TNRC6C: variants seen among roughly 807,000 people sequenced by gnomAD.
The protein encoded by TNRC6C is trinucleotide repeat-containing gene 6C protein.
A neutral mutation model predicts 153.7 loss-of-function variants in TNRC6C; 20 were observed. That is an observed-to-expected ratio of 0.13 (90% CI 0.09 to 0.19). The LOEUF (loss-of-function observed/expected upper bound fraction) is 0.19. Ranked by LOEUF, TNRC6C falls within the 10% of genes least tolerant of loss-of-function variation. TNRC6C has a pLI of 1.00. For missense variants in TNRC6C, 1,987 were observed against 2,172.0 expected (o/e 0.91, Z 1.69); for synonymous variants, 811 against 841.4 (o/e 0.96, Z 0.63).
At chr17:77,971,867 TAAAAA>T (rs60316098) in intron 1 of TNRC6C, among the ~76,000 whole-genome samples, 66 of 142,554 alleles carry the variant, frequency 4.6e-4, no homozygotes, top group African/African-American at 1.6e-3. Flanking sequence ...TTAAGTGAGT[TAAAAA>T]AAAAAAAAAA....
At chr17:77,963,460 G>A (rs574573590) in intron 1 of TNRC6C, among the ~76,000 whole-genome samples, 10 of 152,154 alleles carry the variant, frequency 6.6e-5, no homozygotes, top group Admixed American at 2.6e-4. Flanking sequence ...AATCCATATC[G>A]TTTGTTCCAT....
chr17:78,092,620 C>G (rs543776591), intron 14 of TNRC6C, among the ~76,000 whole-genome samples: 1 of 152,180 alleles, frequency 6.6e-6, no homozygotes, highest in African/African-American at 2.4e-5. Flanking sequence ...TGGCTCACAC[C>G]TGTAGTTCCA....
intron 1 of TNRC6C, among the ~76,000 whole-genome samples, chr17:77,994,721 A>C (rs1364718610): frequency 1.3e-5 from 2 of 152,194 alleles, no homozygotes; most frequent in Non-Finnish European, 2.9e-5. Flanking sequence ...CAAGTTTCAG[A>C]ACACAGAAAT....
In TNRC6C at chr17:78,104,896, C is replaced by T. The variant is rs1004060799; in HGVS notation, c.*51C>T. ...AGCCGACCCCTCCCGGGACCCCTCC[C>T]GGCTGGGCGGCCCCACAGACCCGCT... is the stretch of plus-strand genomic sequence containing the variant. On this transcript the variant is annotated 3_prime_UTR_variant, in exon 20 of 20. Transcript: ENST00000301624. This position sits in a 1 kb window ranked among gnomAD's most constrained non-coding sequence, Gnocchi z 6.2. 8.9e-5 allele frequency: 123 copies of T among 1,376,434 alleles called. No homozygotes were observed. In the South Asian group the frequency reaches 1.9e-3, roughly 21 times the overall value. The allele number at this position is 1,376,434 out of a possible 1,614,324, so 85.3% of individuals were successfully genotyped here.
chr17:78,089,507 C>T lies in TNRC6C; in HGVS notation c.3803-1933C>T, dbSNP rs1162663796. On this transcript the variant is annotated intron_variant, in intron 13 of 19. Coordinates refer to ENST00000301624, the Ensembl canonical transcript of TNRC6C. The stretch of plus-strand genomic sequence containing the variant: ...CACCTATGTTGAAGAGCCTGTTAGA[C>T]ACTCATCAATTCATGTAAAGAAACC... Among the ~76,000 whole-genome samples, 5 of 152,140 alleles carry T rather than the reference C, an allele frequency of 3.3e-5. No individual in the cohort carries two copies. The East Asian group carries it at 5.8e-4, about 18-fold the overall frequency.
At chr17:78,086,378 A>G in intron 11 of TNRC6C, 125 bp from the exon 14 acceptor site, 1 of 515,612 alleles carries the variant, frequency 1.9e-6, no homozygotes, top group Non-Finnish European at 3.5e-6. Context: ...TGTCAGCCAC[A>G]GTATGGGCCA....
At chr17:78,015,175 T>C (rs867843367) in intron 1 of TNRC6C, among the ~76,000 whole-genome samples, 1 of 152,196 alleles carries the variant, frequency 6.6e-6, no homozygotes, top group Non-Finnish European at 1.5e-5. Context: ...TTTTTCATTG[T>C]GTGGGGTGTC....
At chr17:78,021,405 A>G (rs2071829500) in intron 1 of TNRC6C, among the ~76,000 whole-genome samples, 1 of 152,246 alleles carries the variant, frequency 6.6e-6, no homozygotes, top group Non-Finnish European at 1.5e-5. Context: ...CTCATAGCTC[A>G]AGGCTGTTAT....
At chr17:78,061,532 C>T (rs1036802004) in intron 3 of TNRC6C, among the ~76,000 whole-genome samples, 8 of 152,134 alleles carry the variant, frequency 5.3e-5, no homozygotes, top group Non-Finnish European at 7.3e-5. Context: ...AATGAAAATA[C>T]TGGGCCAGGT....
At chr17:78,088,959 C>CTTT (rs59304499) in intron 13 of TNRC6C, among the ~76,000 whole-genome samples, 5 of 86,700 alleles carry the variant, frequency 5.8e-5, no homozygotes, top group African/African-American at 8.6e-5. Flanking sequence ...CTTATCGTTA[C>CTTT]TTTTTTTTTT....
chr17:77,990,229 A>G (rs778087781), intron 1 of TNRC6C, among the ~76,000 whole-genome samples: 6 of 152,132 alleles, frequency 3.9e-5, no homozygotes, highest in Non-Finnish European at 8.8e-5. Context: ...AAACTCTTAT[A>G]TTGACTGCAG....
At chr17:78,004,009 C>T, upstream of TNRC6C, 3 of 666,174 alleles carry the variant, frequency 4.5e-6, no homozygotes, top group Non-Finnish European at 5.6e-6. Context: ...GGGCAACCTG[C>T]AGTGCTGTTA....
At chr17:78,081,964 CCTTT>C (rs950848659) in intron 10 of TNRC6C, among the ~76,000 whole-genome samples, 2 of 152,024 alleles carry the variant, frequency 1.3e-5, no homozygotes, top group Non-Finnish European at 2.9e-5. Flanking sequence ...TTCCTTCCCT[CCTTT>C]CTTTTTCCTT....
In TNRC6C at chr17:78,093,603, T is replaced by C; in HGVS notation, c.4163-17T>C. On this transcript the variant is annotated splice_polypyrimidine_tract_variant and intron_variant, in intron 15 of 19. Coordinates refer to ENST00000301624, the Ensembl canonical transcript of TNRC6C. ...GGTGTTCTGATCTGTGGCTTCTCAT[T>C]TTGGTTTCTTAAACAGAATTCCATC... 6.2e-7 allele frequency: 1 copy of C among 1,613,642 alleles called. No homozygotes were observed. Among genetic ancestry groups the C allele is most frequent in the Non-Finnish European group, 8.5e-7 (1 of 1,179,658 alleles).
intron 2 of TNRC6C, among the ~76,000 whole-genome samples, chr17:78,032,459 T>C (rs1452818631): frequency 6.6e-6 from 1 of 152,234 alleles, no homozygotes; most frequent in Non-Finnish European, 1.5e-5. Context: ...TCCAATCTCC[T>C]TGACTTGATG....
At chr17:78,053,295 G>A (rs537131431) in intron 3 of TNRC6C, among the ~76,000 whole-genome samples, 1 of 152,090 alleles carries the variant, frequency 6.6e-6, no homozygotes, top group Non-Finnish European at 1.5e-5. Context: ...GTACTTGGGG[G>A]GATAAGGAGA....
intron 10 of TNRC6C, among the ~76,000 whole-genome samples, chr17:78,080,460 A>C (rs2073159821): frequency 6.6e-6 from 1 of 152,226 alleles, no homozygotes; most frequent in South Asian, 2.1e-4. Context: ...AAAAAGAAAG[A>C]AAGGAAAAAA....
chr17:77,974,934 A>AAC (rs1321835666), intron 1 of TNRC6C, among the ~76,000 whole-genome samples: 1 of 152,230 alleles, frequency 6.6e-6, no homozygotes, highest in Non-Finnish European at 1.5e-5. Flanking sequence ...GCCATAGGTA[A>AAC]ATGAGCAAGG....
intron 11 of TNRC6C, among the ~76,000 whole-genome samples, chr17:78,084,732 A>C (rs1197891789): frequency 6.6e-6 from 1 of 150,714 alleles, no homozygotes; most frequent in African/African-American, 2.4e-5. Context: ...GGGTTCAAGC[A>C]ATTCTCCTGT....
Sources: gnomAD v4.1 joint callset for allele counts (sites outside exome capture counted in the v4.1 genomes callset) on GRCh38, gnomAD v4.1.1 for gene constraint, Gnocchi (gnomAD v3.1) non-coding constraint, MANE v1.5 for transcripts, NCBI Gene and HGNC (gene_info 2026-07-23, HGNC 2026-07-21) for gene names.